The following MMP26 variants were observed in gnomAD, a reference collection of about 807,000 sequenced individuals.
MMP26 encodes matrix metalloproteinase-26.
Under a neutral mutation model 31.0 loss-of-function variants are expected in MMP26, and 33 were observed. The ratio of observed to expected loss-of-function variants is 1.06; its 90% CI spans 0.81 to 1.42. The LOEUF is 1.42. MMP26 is among the 40% of genes most tolerant of loss of function. MMP26 has a pLI of 0.00. For synonymous variants in MMP26, 122 were observed against 114.9 expected, an observed-to-expected ratio of 1.06 and a Z score of -0.40; for missense variants, 347 against 316.1, an observed-to-expected ratio of 1.10 and a Z score of -0.74.
chr11:4,729,068 T>A (rs895603167), intron 1 of MMP26, among the ~76,000 whole-genome samples: 1 of 151,708 alleles, frequency 6.6e-6, no homozygotes, highest in Admixed American at 6.6e-5. Flanking sequence ...ATTTAAATTG[T>A]TCCAATTTTT....
chr11:4,862,365 C>G (rs1432328396), intron 2 of MMP26, among the ~76,000 whole-genome samples: 1 of 152,092 alleles, frequency 6.6e-6, no homozygotes, highest in African/African-American at 2.4e-5. Flanking sequence ...ATTAATTTTT[C>G]CCTATTAGTG....
intron 2 of MMP26, among the ~76,000 whole-genome samples, chr11:4,884,283 T>C: frequency 6.6e-6 from 1 of 152,096 alleles, no homozygotes; most frequent in South Asian, 2.1e-4. Flanking sequence ...AATTCGGTTT[T>C]TCAAACTCCA....
chr11:4,789,687 CCTG>C lies in MMP26; in HGVS notation c.-145+22348_-145+22350del, dbSNP rs886312489. ...TCTTGAGTAGCTGGGACTACAGGTG[CCTG>C]CCACCACACCCAGCTAATTTTTTGT... On this transcript the variant is annotated intron_variant, in intron 2 of 7. Transcript: ENST00000380390. 1.0e-3 allele frequency among the ~76,000 whole-genome samples: 151 copies of C among 151,484 alleles called. 1 individual carries two copies. The highest frequency in any genetic ancestry group is 7.8e-4 in the East Asian group (4 of 5,096).
At chr11:4,735,113 C>T (rs767173514) in intron 1 of MMP26, among the ~76,000 whole-genome samples, 22 of 152,294 alleles carry the variant, frequency 1.4e-4, no homozygotes, top group Non-Finnish European at 3.1e-4. Context: ...TTCTTGGCTA[C>T]GCCTACTTGG....
rs1286819253 is a variant in MMP26, at chr11:4,947,306, A to T, written c.-144-40762A>T. ...TGGACTATAATCTGTCGTATAATACATTGGAAAAATTATTTCTGGACATGT... is the reference window on the plus strand; with the variant it reads ...TGGACTATAATCTGTCGTATAATACTTTGGAAAAATTATTTCTGGACATGT... On this transcript the variant is annotated intron_variant, in intron 2 of 7. Coordinates refer to ENST00000380390, the MANE Select transcript of MMP26 (RefSeq NM_021801.5). 15 of 385,016 alleles carry T rather than the reference A, an allele frequency of 3.9e-5. 4 individuals are homozygous for T. The Middle Eastern group carries it at 2.6e-3, about 66-fold the overall frequency. The allele number at this position is 385,016 out of a possible 1,614,324, so 23.8% of individuals were successfully genotyped here. A position where few individuals can be genotyped will look rare whatever the true frequency, so the allele number is the denominator to read the frequency against.
chr11:4,923,681 T>C (rs779181437), intron 2 of MMP26: 2 of 1,612,872 alleles, frequency 1.2e-6, no homozygotes, highest in Admixed American at 1.7e-5. Context: ...GATGAGGGCG[T>C]ATGAGAGAAA....
At chr11:4,848,065 G>C in intron 2 of MMP26, 1 of 645,402 alleles carries the variant, frequency 1.5e-6, no homozygotes, top group East Asian at 2.7e-5. Flanking sequence ...ATTCTTTGGG[G>C]CTTGTAAGTT....
At chr11:4,770,391 TAA>T (rs1176182094) in intron 2 of MMP26, among the ~76,000 whole-genome samples, 1 of 152,204 alleles carries the variant, frequency 6.6e-6, no homozygotes, top group African/African-American at 2.4e-5. Context: ...GCCAGGAATA[TAA>T]AGTTATCAAT....
chr11:4,930,218 A>T (rs1851327377), intron 2 of MMP26, among the ~76,000 whole-genome samples: 1 of 152,056 alleles, frequency 6.6e-6, no homozygotes, highest in Non-Finnish European at 1.5e-5. Context: ...GAGTCTCTGG[A>T]GTACTACTTG....
chr11:4,811,514 TC>T (rs1849349684), intron 2 of MMP26, among the ~76,000 whole-genome samples: 1 of 152,208 alleles, frequency 6.6e-6, no homozygotes, highest in Non-Finnish European at 1.5e-5. Flanking sequence ...TCTCATTCCA[TC>T]CATGTTGCTG....
chr11:4,812,704 A>G (rs941613820), intron 2 of MMP26, among the ~76,000 whole-genome samples: 1 of 152,148 alleles, frequency 6.6e-6, no homozygotes, highest in Non-Finnish European at 1.5e-5. Context: ...GCAGTCAAAT[A>G]AGTATTTGTT....
chr11:4,925,050 A>G (rs1332696111), intron 2 of MMP26, among the ~76,000 whole-genome samples: 1 of 152,220 alleles, frequency 6.6e-6, no homozygotes, highest in Non-Finnish European at 1.5e-5. Context: ...AACATTTATT[A>G]AATGCATTGT....
At chr11:4,766,704 C>CCTCCCTCG (rs1848634121) in intron 1 of MMP26, among the ~76,000 whole-genome samples, 1 of 114,250 alleles carries the variant, frequency 8.8e-6, no homozygotes, top group Non-Finnish European at 1.8e-5. Flanking sequence ...TCCCTCCCTC[C>CCTCCCTCG]CTCCCTCCCT....
At chr11:4,750,722 G>A in intron 1 of MMP26, among the ~76,000 whole-genome samples, 1 of 152,098 alleles carries the variant, frequency 6.6e-6, no homozygotes, top group Middle Eastern at 3.4e-3. Context: ...TAAATAATGT[G>A]CACATATGGC....
chr11:4,757,213 C>A (rs2133406864), intron 1 of MMP26, among the ~76,000 whole-genome samples: 1 of 151,820 alleles, frequency 6.6e-6, no homozygotes, highest in South Asian at 2.1e-4. Context: ...GGTGTCAAGA[C>A]AATTAAATGA....
intron 2 of MMP26, among the ~76,000 whole-genome samples, chr11:4,811,993 C>T (rs567187857): frequency 8.7e-4 from 132 of 152,244 alleles, no homozygotes; most frequent in South Asian, 3.1e-3. Context: ...AGCTGTTTGT[C>T]GAAGCCCAGT....
chr11:4,983,428 C>A (rs1846843115), intron 2 of MMP26, among the ~76,000 whole-genome samples: 1 of 152,178 alleles, frequency 6.6e-6, no homozygotes, highest in African/African-American at 2.4e-5. Context: ...CAATGCCCCA[C>A]AAACTCTCCC....
At chr11:4,819,403 G>T (rs757559266) in intron 2 of MMP26, among the ~76,000 whole-genome samples, 26 of 151,724 alleles carry the variant, frequency 1.7e-4, no homozygotes, top group Non-Finnish European at 3.2e-4. Flanking sequence ...GGAGAGGGGG[G>T]AAAGAAACAA....
chr11:4,883,648 A>G (rs767936247), intron 2 of MMP26, among the ~76,000 whole-genome samples: 1 of 151,486 alleles, frequency 6.6e-6, no homozygotes, highest in Non-Finnish European at 1.5e-5. Context: ...GCTTTTTTCT[A>G]TTTGCTCTTG....
Sources: allele counts gnomAD v4.1 joint callset (sites outside exome capture counted in the v4.1 genomes callset), GRCh38; gene constraint gnomAD v4.1.1; transcripts MANE v1.5; gene names NCBI Gene and HGNC (gene_info 2026-07-23, HGNC 2026-07-21).